Variants in OR10A6 observed in about 807,000 individuals in gnomAD.
OR10A6 encodes olfactory receptor family 10 subfamily A member 6 (gene/pseudogene).
In OR10A6, 2 loss-of-function variants were observed where a neutral mutation model predicts 1.5. The observed-to-expected ratio is 1.31, with a 90% CI of 0.54 to 4.13. OR10A6 has a LOEUF of 4.13. Ranked by LOEUF, OR10A6 falls within the 30% of genes most tolerant of loss-of-function variation. OR10A6 has a pLI of 0.07. For synonymous variants in OR10A6, 169 were observed against 137.3 expected, an observed-to-expected ratio of 1.23 and a Z score of -1.61; for missense variants, 492 against 368.6, an observed-to-expected ratio of 1.33 and a Z score of -2.74.
chr11:7,925,064 G>T lies in OR10A6; in HGVS notation c.*2654C>A, dbSNP rs879400365. On this transcript the variant is annotated 3_prime_UTR_variant, in exon 4 of 4. Transcript: ENST00000641238. ...AACTTGTTTTTTTTTTCTACTTAAA[G>T]AACAAAAATGGGGTTTTCTCTATTA... The T allele has an allele frequency of 8.6e-5, 13 of 151,238 alleles. No homozygotes were observed. The highest frequency in any genetic ancestry group is 1.8e-4 in the Non-Finnish European group (12 of 67,796). The allele number at this position is 151,238 out of a possible 1,614,324, so 9.4% of individuals were successfully genotyped here. A position where few individuals can be genotyped will look rare whatever the true frequency, so the allele number is the denominator to read the frequency against.
In OR10A6 at chr11:7,928,046, A is replaced by G. The variant is rs1012565882; in HGVS notation, c.617T>C (p.Ile206Thr). 3 of 1,613,834 alleles carry G rather than the reference A, an allele frequency of 1.9e-6. No individual in the cohort carries two copies. The highest frequency in any genetic ancestry group is 3.3e-5 in the Admixed American group (2 of 59,888). Residue 206 changes from isoleucine to threonine, a missense_variant, in exon 4 of 4, where the codon ATT becomes ACT. Physicochemically the swap from Ile to Thr is moderately conservative, Grantham distance 89. Transcript: ENST00000641238. ...TATCAACAAGAAAGGAACCAAAATA[A>G]TCAAAAAGGTGCCTGTGAATGCATA... ...EIYAFTGTFLIILVPFLLILL... is the reference protein window; with the variant it reads ...EIYAFTGTFLTILVPFLLILL...
chr11:7,929,970 A>ATATATGTGTG lies in OR10A6; in HGVS notation c.-1309_-1308insCACACATATA, dbSNP rs1554906117. 1.3e-5 allele frequency: 1 copy of ATATATGTGTG among 74,686 alleles called. No individual in the cohort carries two copies. The highest frequency in any genetic ancestry group is 4.8e-5 in the African/African-American group (1 of 20,864). 4.6% of individuals were successfully genotyped at this position (74,686 alleles called of 1,614,324 possible). ...GTAAGGTATGTGTATGTGTATGTAT[A>ATATATGTGTG]TATATATATATATATATATATATAA... is the stretch of plus-strand genomic sequence containing the variant. On this transcript the variant is annotated 5_prime_UTR_variant, in exon 4 of 4. Transcript: ENST00000641238.
rs1423922734 is a variant in OR10A6 at position 7,927,641 on chromosome 11, TAATG to T, written c.*73_*76del. 3.6e-5 allele frequency: 37 copies of T among 1,028,092 alleles called. No homozygotes were observed. The highest frequency in any genetic ancestry group is 2.4e-4 in the Admixed American group (10 of 41,960). 63.7% of individuals were successfully genotyped at this position (1,028,092 alleles called of 1,614,324 possible). A position where few individuals can be genotyped will look rare whatever the true frequency, so the allele number is the denominator to read the frequency against. ...ATACTCATGCCAAAAAATGCAAACT[TAATG>T]AATCTAAATTTATTAAATTTAGATT... On this transcript the variant is annotated 3_prime_UTR_variant, in exon 4 of 4. Transcript: ENST00000641238.
At position 7,926,561 on chromosome 11, in the gene OR10A6, T is replaced by C. The variant is rs551026436; in HGVS notation, c.*1157A>G. 5.3e-5 allele frequency: 8 copies of C among 152,224 alleles called. No homozygotes were observed. In the South Asian group the frequency reaches 1.0e-3, roughly 20 times the overall value. 9.4% of individuals were successfully genotyped at this position (152,224 alleles called of 1,614,324 possible). On this transcript the variant is annotated 3_prime_UTR_variant, in exon 4 of 4. Coordinates refer to ENST00000641238, the MANE Select transcript of OR10A6 (RefSeq NM_001004461.2). ...GAAGGAGTAGTGAAGAAAAGAAGGG[T>C]TTTCCATCCAATGAATGATTGTTTT...
rs572396020 is a variant in OR10A6, at chr11:7,925,000, G to A, written c.*2718C>T. 1 of 152,030 alleles carries A rather than the reference G, an allele frequency of 6.6e-6. No individual in the cohort carries two copies. Among genetic ancestry groups the A allele is most frequent in the East Asian group, 1.9e-4 (1 of 5,174 alleles). 9.4% of individuals were successfully genotyped at this position (152,030 alleles called of 1,614,324 possible). A position where few individuals can be genotyped will look rare whatever the true frequency, so the allele number is the denominator to read the frequency against. On this transcript the variant is annotated 3_prime_UTR_variant, in exon 4 of 4. Transcript: ENST00000641238. ...CACCCTTGTTCAAAAGAGAAACTGG[G>A]AAATTGGTTATTAACTGGATACATT...
In OR10A6 at chr11:7,928,578, C is replaced by G. The variant is rs1469372807; in HGVS notation, c.85G>C (p.Val29Leu). 2 of 1,613,840 alleles carry G rather than the reference C, an allele frequency of 1.2e-6. No homozygotes were observed. The highest frequency in any genetic ancestry group is 4.5e-5 in the East Asian group (2 of 44,874). The change falls in exon 4 of 4, where the codon GTG (valine) becomes CTG (leucine). Residue 29 changes from valine to leucine, a missense_variant. By Grantham distance (32) the Val-to-Leu change is conservative. Transcript: ENST00000641238. ...NYPELQGQLF[V>L]AFLVIYLVTL... ...ACCAGATAAATAACCAGGAAAGCCA[C>G]AAAGAGCTGCCCCTGGAGCTCAGGA...
rs887738052 is a variant in OR10A6 at position 7,929,935 on chromosome 11, A to G, written c.-1273T>C. The G allele has an allele frequency of 2.1e-5, 2 of 96,018 alleles. No individual in the cohort carries two copies. The highest frequency in any genetic ancestry group is 4.1e-5 in the Non-Finnish European group (2 of 48,352). 5.9% of individuals were successfully genotyped at this position (96,018 alleles called of 1,614,324 possible). A position where few individuals can be genotyped will look rare whatever the true frequency, so the allele number is the denominator to read the frequency against. ...AATATTTTATATATATTATATATAT[A>G]TAAGCTCTAGTAAGGTATGTGTATG... On this transcript the variant is annotated 5_prime_UTR_variant, in exon 4 of 4. Coordinates refer to ENST00000641238, the MANE Select transcript of OR10A6 (RefSeq NM_001004461.2).
Position 7,926,098 on chromosome 11 carries a change from A to C in OR10A6, c.*1620T>G, listed in dbSNP as rs922016923. On this transcript the variant is annotated 3_prime_UTR_variant, in exon 4 of 4. Coordinates refer to ENST00000641238, the MANE Select transcript of OR10A6 (RefSeq NM_001004461.2). Reference sequence around the variant, plus strand: ...ACCTTTGAGTGGTGTCTTCACTTTAACCTTTTTGCATACCTCACAAACCAG... The same window carrying C: ...ACCTTTGAGTGGTGTCTTCACTTTACCCTTTTTGCATACCTCACAAACCAG... 6.6e-6 allele frequency: 1 copy of C among 152,152 alleles called. No homozygotes were observed. The highest frequency in any genetic ancestry group is 2.4e-5 in the African/African-American group (1 of 41,398). The allele number at this position is 152,152 out of a possible 1,614,324, so 9.4% of individuals were successfully genotyped here. A position where few individuals can be genotyped will look rare whatever the true frequency, so the allele number is the denominator to read the frequency against.
rs764218568 is a variant in OR10A6 at position 7,927,667 on chromosome 11, G to C, written c.*51C>G. 11 of 1,194,310 alleles carry C rather than the reference G, an allele frequency of 9.2e-6. No homozygotes were observed. The highest frequency in any genetic ancestry group is 1.3e-5 in the Non-Finnish European group (11 of 841,378). 74.0% of individuals were successfully genotyped at this position (1,194,310 alleles called of 1,614,324 possible). ...AATGAATCTAAATTTATTAAATTTA[G>C]ATTGAATACAGTCATGCAGTGACTA... On this transcript the variant is annotated 3_prime_UTR_variant, in exon 4 of 4. Transcript: ENST00000641238.
rs1204276734 is a variant in OR10A6 at position 7,927,813 on chromosome 11, G to T, written c.850C>A (p.Leu284Met). The change falls in exon 4 of 4, where the codon CTG (leucine) becomes ATG (methionine). Residue 284 changes from leucine (L) to methionine (M), a missense_variant. By Grantham distance (15) the Leu-to-Met change is conservative (BLOSUM62 2). Transcript: ENST00000641238. Reference protein sequence around the residue: ...MSLSYSLLTPLLNLLIYSLRN... With the variant: ...MSLSYSLLTPMLNLLIYSLRN... ...AAACTGTAGATAAGCAGATTCAGCAGTGGTGTCAGAAGTGAGTAAGACAAT... is the reference window on the plus strand; with the variant it reads ...AAACTGTAGATAAGCAGATTCAGCATTGGTGTCAGAAGTGAGTAAGACAAT... 5.0e-6 allele frequency: 8 copies of T among 1,613,816 alleles called. No homozygotes were observed. The highest frequency in any genetic ancestry group is 1.6e-4 in the Middle Eastern group (1 of 6,084).
rs1029414253 is a variant in OR10A6, at chr11:7,926,212, C to T, written c.*1506G>A. On this transcript the variant is annotated 3_prime_UTR_variant, in exon 4 of 4. Coordinates refer to ENST00000641238, the MANE Select transcript of OR10A6 (RefSeq NM_001004461.2). The stretch of plus-strand genomic sequence containing the variant: ...TGCCTTCCAGTAGGGGAACCACCCC[C>T]CATATCCCCTCTCTGCTGACAGTTG... 1 of 152,512 alleles carries T rather than the reference C, an allele frequency of 6.6e-6. No homozygotes were observed. Among genetic ancestry groups the T allele is most frequent in the Non-Finnish European group, 1.5e-5 (1 of 68,320 alleles). 9.4% of individuals were successfully genotyped at this position (152,512 alleles called of 1,614,324 possible).
At position 7,929,755 on chromosome 11, in the gene OR10A6, T is replaced by TATATATATATATATATATATATATACAC. The variant is rs55811645; in HGVS notation, c.-1094_-1093insGTGTATATATATATATATATATATATAT. Reference sequence around the variant, plus strand: ...ATATATATATATATATATATATATATACACACACATGCACACATATATATA... The same window carrying TATATATATATATATATATATATATACAC: ...ATATATATATATATATATATATATATATATATATATATATATATATATATACACACACACACATGCACACATATATATA... On this transcript the variant is annotated 5_prime_UTR_variant, in exon 4 of 4. An upstream open reading frame in the 5' UTR loses its in-frame stop. Transcript: ENST00000641238. The TATATATATATATATATATATATATACAC allele has an allele frequency of 3.1e-5, 3 of 97,252 alleles. No homozygotes were observed. Among genetic ancestry groups the TATATATATATATATATATATATATACAC allele is most frequent in the African/African-American group, 7.1e-5 (2 of 28,004 alleles). 6.0% of individuals were successfully genotyped at this position (97,252 alleles called of 1,614,324 possible).
rs57836826 is a variant in OR10A6 at position 7,929,995 on chromosome 11, A to ATATATATATATATATATATATATATAT, written c.-1334_-1333insATATATATATATATATATATATATATA. On this transcript the variant is annotated 5_prime_UTR_variant, in exon 4 of 4. Coordinates refer to ENST00000641238, the MANE Select transcript of OR10A6 (RefSeq NM_001004461.2). ...ATATATATATATATATATATATATA[A>ATATATATATATATATATATATATATAT]AATCCCTCACTAGAGCTTAGCTCCC... 4.7e-5 allele frequency: 3 copies of ATATATATATATATATATATATATATAT among 63,166 alleles called. No individual in the cohort carries two copies. The highest frequency in any genetic ancestry group is 6.3e-5 in the African/African-American group (1 of 15,864). 3.9% of individuals were successfully genotyped at this position (63,166 alleles called of 1,614,324 possible).
rs1263349534 is a variant in OR10A6 at position 7,928,153 on chromosome 11, G to T, written c.510C>A (p.Gly170=). Reference sequence around the variant, plus strand: ...AAGATATATGGTTAATTTCATTAAGGCCACAAAAGGGAAAACTAGATACCC... The same window carrying T: ...AAGATATATGGTTAATTTCATTAAGTCCACAAAAGGGAAAACTAGATACCC... ...TSWVSSFPFC[G]LNEINHISCE... is the part of the protein sequence containing the mutation. Residue 170 remains glycine (G), a synonymous_variant, in exon 4 of 4, where the codon GGC becomes GGA. Transcript: ENST00000641238. 14 of 1,613,670 alleles carry T rather than the reference G, an allele frequency of 8.7e-6. No homozygotes were observed. Among genetic ancestry groups the T allele is most frequent in the Admixed American group, 1.7e-5 (1 of 59,886 alleles).
In OR10A6 at chr11:7,928,209, C is replaced by G. The variant is rs749659633; in HGVS notation, c.454G>C (p.Gly152Arg). Residue 152 changes from glycine to arginine, a missense_variant, in exon 4 of 4, where the codon GGT becomes CGT. Transcript: ENST00000641238. Reference sequence around the variant, plus strand: ...GTTTGAACAGTACCTAACATAAAACCTAAGGCCCATGAAAATATAATTAAT... The same window carrying G: ...GTTTGAACAGTACCTAACATAAAACGTAAGGCCCATGAAAATATAATTAAT... The part of the protein sequence containing the change: ...MKLIIFSWAL[G>R]FMLGTVQTSW... The G allele has an allele frequency of 7.4e-6, 12 of 1,611,520 alleles. No individual in the cohort carries two copies. The highest frequency in any genetic ancestry group is 9.3e-6 in the Non-Finnish European group (11 of 1,178,462).
rs1859496114 is a variant in OR10A6 at position 7,929,878 on chromosome 11, A to T, written c.-1216T>A. 1 of 141,832 alleles carries T rather than the reference A, an allele frequency of 7.1e-6. No homozygotes were observed. Among genetic ancestry groups the T allele is most frequent in the African/African-American group, 2.6e-5 (1 of 38,820 alleles). The allele number at this position is 141,832 out of a possible 1,614,324, so 8.8% of individuals were successfully genotyped here. A position where few individuals can be genotyped will look rare whatever the true frequency, so the allele number is the denominator to read the frequency against. Reference sequence around the variant, plus strand: ...TTTTTAAGAAATATGTGTAAAATATATTTTAAATATTTATATAAATATAAA... The same window carrying T: ...TTTTTAAGAAATATGTGTAAAATATTTTTTAAATATTTATATAAATATAAA... On this transcript the variant is annotated 5_prime_UTR_variant, in exon 4 of 4. Coordinates refer to ENST00000641238, the MANE Select transcript of OR10A6 (RefSeq NM_001004461.2).
Position 7,931,016 on chromosome 11 carries a change from G to T in OR10A6, c.-1909-3C>A, listed in dbSNP as rs552217126. 44 of 152,186 alleles carry T rather than the reference G, an allele frequency of 2.9e-4. No homozygotes were observed. The highest frequency in any genetic ancestry group is 1.0e-3 in the African/African-American group (43 of 41,528). The allele number at this position is 152,186 out of a possible 1,614,324, so 9.4% of individuals were successfully genotyped here. The stretch of plus-strand genomic sequence containing the variant: ...CTACTTATTGCCCGAACCTTTCTCT[G>T]AAAAGAAAAAGAAATTGACTGGCAT... On this transcript the variant is annotated splice_region_variant and splice_polypyrimidine_tract_variant and intron_variant, in intron 1 of 3. Coordinates refer to ENST00000641238, the MANE Select transcript of OR10A6 (RefSeq NM_001004461.2).
chr11:7,928,559 T>C lies in OR10A6; in HGVS notation c.104A>G (p.Tyr35Cys). Residue 35 changes from tyrosine to cysteine, a missense_variant, in exon 4 of 4, where the codon TAT becomes TGT. Transcript: ENST00000641238. ...GQLFVAFLVI[Y>C]LVTLIGNAII... ...GGCATTTCCTATCAGGGTCACCAGA[T>C]AAATAACCAGGAAAGCCACAAAGAG... 4.3e-6 allele frequency: 7 copies of C among 1,613,778 alleles called. No homozygotes were observed. Among genetic ancestry groups the C allele is most frequent in the African/African-American group, 1.3e-5 (1 of 75,022 alleles).
rs962599072 is a variant in OR10A6 at position 7,926,744 on chromosome 11, A to T, written c.*974T>A. 1.3e-5 allele frequency: 2 copies of T among 152,208 alleles called. No homozygotes were observed. Among genetic ancestry groups the T allele is most frequent in the African/African-American group, 4.8e-5 (2 of 41,460 alleles). The allele number at this position is 152,208 out of a possible 1,614,324, so 9.4% of individuals were successfully genotyped here. ...AGCAAGAATGAAATGTTATATTTCA[A>T]TGTTGCAATGTGTCTAATTATTCAT... is the stretch of plus-strand genomic sequence containing the variant. On this transcript the variant is annotated 3_prime_UTR_variant, in exon 4 of 4. Coordinates refer to ENST00000641238, the MANE Select transcript of OR10A6 (RefSeq NM_001004461.2).
Sources: gnomAD v4.1 joint callset for allele counts on GRCh38, gnomAD v4.1.1 for gene constraint, MANE v1.5 for transcripts, NCBI Gene and HGNC (gene_info 2026-07-23, HGNC 2026-07-21) for gene names.